NCAPD3: variants seen among roughly 807,000 people sequenced by gnomAD.
NCAPD3 encodes non-SMC condensin II complex subunit D3, also known as condensin-2 complex subunit D3.
Under a neutral mutation model 182.9 loss-of-function variants are expected in NCAPD3, and 105 were observed. The observed-to-expected ratio is 0.57, with a 90% CI of 0.49 to 0.68. The LOEUF (loss-of-function observed/expected upper bound fraction) is 0.68, where lower values mean the gene tolerates loss of function less well. Ranked by LOEUF, NCAPD3 falls within the 30% of genes least tolerant of loss-of-function variation. NCAPD3 has a pLI of 0.00. For synonymous variants in NCAPD3, 815 were observed against 679.9 expected (o/e 1.20, Z -3.09); for missense variants, 1,944 against 1,837.0 (o/e 1.06, Z -1.07).
chr11:134,180,029 C>A (rs1398693106), intron 20 of NCAPD3, among the ~76,000 whole-genome samples: 2 of 151,714 alleles, frequency 1.3e-5, no homozygotes, highest in South Asian at 2.1e-4. Flanking sequence ...TTGAAAAAAA[C>A]CTGGGGGAGG....
intron 28 of NCAPD3, among the ~76,000 whole-genome samples, chr11:134,160,559 C>G (rs1943548860): frequency 6.6e-6 from 1 of 152,192 alleles, no homozygotes; most frequent in African/African-American, 2.4e-5. Flanking sequence ...GGGATTCCAA[C>G]TAAGGCTCAA....
At chr11:134,216,672 C>A (rs113910294) in intron 3 of NCAPD3, among the ~76,000 whole-genome samples, 2 of 151,856 alleles carry the variant, frequency 1.3e-5, no homozygotes, top group African/African-American at 4.8e-5. Context: ...GGAGGGTGGG[C>A]GTGGAACTCT....
chr11:134,225,218 G>A, upstream of NCAPD3: 1 of 1,614,058 alleles, frequency 6.2e-7, no homozygotes, highest in Non-Finnish European at 8.5e-7. Context: ...CGGAGGACGG[G>A]AAGAAGGAGA....
intron 20 of NCAPD3, among the ~76,000 whole-genome samples, chr11:134,180,330 C>G (rs1944268652): frequency 6.6e-6 from 1 of 152,104 alleles, no homozygotes; most frequent in Non-Finnish European, 1.5e-5. Flanking sequence ...AAAAGACGTG[C>G]TCCACTAATT....
Position 134,206,593 on chromosome 11 carries a change from C to T in NCAPD3, c.1016+6G>A, listed in dbSNP as rs1231252043. On this transcript the variant is annotated splice_donor_region_variant and intron_variant, in intron 8 of 34. Transcript: ENST00000534548. Reference sequence around the variant, plus strand: ...AGGGTGAAAATTCACGATTTGTGTGCTTCACCTGATAAACTGGACCGCCTG... The same window carrying T: ...AGGGTGAAAATTCACGATTTGTGTGTTTCACCTGATAAACTGGACCGCCTG... The T allele has an allele frequency of 5.0e-6, 8 of 1,613,414 alleles. No homozygotes were observed. Among genetic ancestry groups the T allele is most frequent in the Non-Finnish European group, 6.8e-6 (8 of 1,179,706 alleles).
Position 134,192,869 on chromosome 11 carries a change from C to T in NCAPD3, c.1865G>A (p.Arg622Gln), listed in dbSNP as rs12292394. 0.055 allele frequency: 88,921 copies of T among 1,613,540 alleles called. 2,756 individuals carry two copies. The highest frequency in any genetic ancestry group is 0.061 in the Non-Finnish European group (71,656 of 1,179,484). ...RCVQIQKAWL[R>Q]GVVPVVMDCE... is the part of the protein sequence containing the mutation. ...GTCCATCACCACCGGGACCACCCCC[C>T]GCAACCAGGCTTTCTGGATCTGCAC... The change falls in exon 16 of 35, where the codon CGG (arginine) becomes CAG (glutamine). Residue 622 changes from arginine to glutamine, a missense_variant. By Grantham distance (43) the Arg-to-Gln change is conservative. This residue lies in a region of NCAPD3 where 1,803 missense variants were observed against 1,674.6 expected (regional missense o/e 1.08). Coordinates refer to ENST00000534548, the MANE Select transcript of NCAPD3 (RefSeq NM_015261.3).
chr11:134,210,950 A>C (rs1460889257), intron 3 of NCAPD3, among the ~76,000 whole-genome samples: 1 of 152,248 alleles, frequency 6.6e-6, no homozygotes, highest in African/African-American at 2.4e-5. Flanking sequence ...AGAAGAACCT[A>C]CACAGAAAAA....
intron 16 of NCAPD3, among the ~76,000 whole-genome samples, chr11:134,189,362 A>G (rs894991853): frequency 6.6e-6 from 1 of 152,148 alleles, no homozygotes; most frequent in Admixed American, 6.5e-5. Flanking sequence ...AACTTCTTAA[A>G]TTGAACCTTT....
chr11:134,164,705 G>T (rs548869521), intron 27 of NCAPD3, among the ~76,000 whole-genome samples: 1 of 150,218 alleles, frequency 6.7e-6, no homozygotes, highest in Non-Finnish European at 1.5e-5. Context: ...AAGCTTAGGG[G>T]AGCTGTACAC....
At chr11:134,159,449 G>A (rs1336443409) in intron 29 of NCAPD3, among the ~76,000 whole-genome samples, 3 of 152,224 alleles carry the variant, frequency 2.0e-5, no homozygotes, top group Admixed American at 6.5e-5. Context: ...TGTAGATGCT[G>A]TGGCATGACA....
At chr11:134,224,993 G>T, upstream of NCAPD3, 2 of 748,282 alleles carry the variant, frequency 2.7e-6, no homozygotes, top group Non-Finnish European at 1.8e-6. Context: ...CGGCAGCGGC[G>T]GAGCCAGGCA....
intron 25 of NCAPD3, 88 bp from the exon 26 acceptor site, chr11:134,168,690 G>T: frequency 6.4e-7 from 1 of 1,553,888 alleles, no homozygotes; most frequent in Non-Finnish European, 8.8e-7. Context: ...CCTAAAAGCT[G>T]CATGCCAAAG....
At chr11:134,166,708 TAGGG>T (rs1225070114) in intron 27 of NCAPD3, among the ~76,000 whole-genome samples, 1 of 90,480 alleles carries the variant, frequency 1.1e-5, no homozygotes. Context: ...GAGATGAGCT[TAGGG>T]AGAGCAGCAC....
At chr11:134,164,180 G>T (rs990794377) in intron 27 of NCAPD3, among the ~76,000 whole-genome samples, 110 of 152,310 alleles carry the variant, frequency 7.2e-4, no homozygotes, top group African/African-American at 2.5e-3. Context: ...TGGCAGCCAA[G>T]CTCTGCCCCA....
chr11:134,167,113 ACACT>A (rs1460561816), intron 27 of NCAPD3, among the ~76,000 whole-genome samples: 1 of 113,446 alleles, frequency 8.8e-6, no homozygotes, highest in Non-Finnish European at 1.7e-5. Flanking sequence ...GGGGAGCTGC[ACACT>A]CACTTGTGAG....
intron 15 of NCAPD3, 124 bp from the exon 16 acceptor site, chr11:134,193,033 G>C (rs578222695): frequency 3.4e-6 from 2 of 592,350 alleles, no homozygotes; most frequent in East Asian, 5.8e-5. Flanking sequence ...AGTGAAAAAA[G>C]AAAAAAATTC....
chr11:134,157,968 G>C lies in NCAPD3; in HGVS notation c.4134C>G (p.Phe1378Leu), dbSNP rs1943470473. The C allele has an allele frequency of 6.2e-7, 1 of 1,614,026 alleles. No homozygotes were observed. The highest frequency in any genetic ancestry group is 8.5e-7 in the Non-Finnish European group (1 of 1,180,020). Residue 1378 changes from phenylalanine to leucine, a missense_variant, in exon 31 of 35, where the codon TTC becomes TTG. Physicochemically the swap from Phe to Leu is conservative, Grantham distance 22. Transcript: ENST00000534548. ...TTTCTGGGCTTCCAGAATTTAAAGT[G>C]AAAGGCAGCACTCCTAAGCTCCGAC... is the stretch of plus-strand genomic sequence containing the variant. ...HRSRSLGVLPFTLNSGSPEKT... is the reference protein window; with the variant it reads ...HRSRSLGVLPLTLNSGSPEKT...
At position 134,151,614 on chromosome 11, in the gene NCAPD3, C is replaced by T. The variant is rs187873743; in HGVS notation, c.*1330G>A. 7.2e-5 allele frequency: 11 copies of T among 152,320 alleles called. No homozygotes were observed. The highest frequency in any genetic ancestry group is 2.2e-4 in the African/African-American group (9 of 41,566). The allele number at this position is 152,320 out of a possible 1,614,324, so 9.4% of individuals were successfully genotyped here. Reference sequence around the variant, plus strand: ...CGTGTATTTTAAGATATGAATGTGACTCAAGACTCGAGGCCGATACGAGGC... The same window carrying T: ...CGTGTATTTTAAGATATGAATGTGATTCAAGACTCGAGGCCGATACGAGGC... On this transcript the variant is annotated 3_prime_UTR_variant, in exon 35 of 35. Transcript: ENST00000534548.
At position 134,184,768 on chromosome 11, in the gene NCAPD3, A is replaced by G. The variant is rs564329136; in HGVS notation, c.2336-16T>C. 3.3e-5 allele frequency: 52 copies of G among 1,595,860 alleles called. 1 individual carries two copies. The South Asian group carries it at 5.6e-4, about 17-fold the overall frequency. On this transcript the variant is annotated splice_polypyrimidine_tract_variant and intron_variant, in intron 18 of 34. Transcript: ENST00000534548. ...TTGACAGCATCTATGAAGGAAGTCA[A>G]AACCCCTGAAGTTCAACTGCTTAAA...
Sources: gnomAD v4.1 joint callset for allele counts (sites outside exome capture counted in the v4.1 genomes callset) on GRCh38, gnomAD v4.1.1 for gene constraint, gnomAD v4.1.1 regional missense constraint, MANE v1.5 for transcripts, NCBI Gene and HGNC (gene_info 2026-07-23, HGNC 2026-07-21) for gene names.